Variants in ACYP2 observed in about 807,000 individuals in gnomAD.
ACYP2 encodes acylphosphatase-2.
Under a neutral mutation model 11.2 loss-of-function variants are expected in ACYP2, and 12 were observed. The ratio of observed to expected loss-of-function variants is 1.08; its 90% CI spans 0.69 to 1.74. The LOEUF is 1.74. Ranked by LOEUF, ACYP2 falls within the 40% of genes most tolerant of loss-of-function variation. ACYP2 has a pLI of 0.00. For synonymous variants in ACYP2, 43 were observed against 32.2 expected (o/e 1.33, Z -1.13); for missense variants, 134 against 101.9 (o/e 1.31, Z -1.35).
chr2:54,014,387 T>A (rs1278984416), intron 2 of ACYP2, among the ~76,000 whole-genome samples: 1 of 152,078 alleles, frequency 6.6e-6, no homozygotes, highest in African/African-American at 2.4e-5. Flanking sequence ...TGGCACGAAC[T>A]TGGCTCACTG....
intron 6 of ACYP2, among the ~76,000 whole-genome samples, chr2:54,274,810 C>T (rs1438096592): frequency 6.6e-6 from 1 of 152,022 alleles, no homozygotes; most frequent in Admixed American, 6.6e-5. Flanking sequence ...ACAATATTTG[C>T]AAGAAGAGAA....
intron 2 of ACYP2, among the ~76,000 whole-genome samples, chr2:54,023,158 T>C (rs537274228): frequency 6.6e-6 from 1 of 152,328 alleles, no homozygotes; most frequent in African/African-American, 2.4e-5. Flanking sequence ...CAAAGAATTG[T>C]TGTTAATTTC....
At position 54,219,829 on chromosome 2, in the gene ACYP2, A is replaced by ATGTGTG. The variant is rs1160437525; in HGVS notation, c.404+81082_404+81083insGTGTGT. Among the ~76,000 whole-genome samples, 303 of 141,184 alleles carry ATGTGTG rather than the reference A, an allele frequency of 2.1e-3. 1 individual carries two copies. The highest frequency in any genetic ancestry group is 6.0e-3 in the African/African-American group (229 of 38,122). 92.6% of individuals were successfully genotyped at this position (141,184 alleles called of 152,430 possible). ...TGTGTGTTTGTGTATGTGTGTGTGT[A>ATGTGTG]TATATATGTGTATGTGTGTGTATAT... is the stretch of plus-strand genomic sequence containing the variant. On this transcript the variant is annotated intron_variant, in intron 6 of 6. Transcript: ENST00000607452.
At chr2:54,120,562 A>G (rs1680088552) in intron 4 of ACYP2, among the ~76,000 whole-genome samples, 2 of 152,104 alleles carry the variant, frequency 1.3e-5, no homozygotes, top group Non-Finnish European at 2.9e-5. Flanking sequence ...TTATTTGACT[A>G]CTGATGACAC....
chr2:54,286,738 C>T (rs1689094080), intron 6 of ACYP2, among the ~76,000 whole-genome samples: 1 of 152,008 alleles, frequency 6.6e-6, no homozygotes, highest in African/African-American at 2.4e-5. Context: ...TTATACTCCT[C>T]TCTAAATGGA....
chr2:54,060,332 CT>C (rs1020660388), intron 4 of ACYP2, among the ~76,000 whole-genome samples: 31 of 151,764 alleles, frequency 2.0e-4, no homozygotes, highest in African/African-American at 7.0e-4. Flanking sequence ...CTTTTATTGA[CT>C]TTTTTTGTTT....
At chr2:54,093,496 G>A (rs113606408) in intron 4 of ACYP2, among the ~76,000 whole-genome samples, 1,538 of 152,328 alleles carry the variant, frequency 0.01, 34 homozygotes, top group African/African-American at 0.035. Flanking sequence ...TGATAAAGAG[G>A]TAGTGAGTGA....
chr2:54,131,759 C>T (rs1194081736), intron 4 of ACYP2, among the ~76,000 whole-genome samples: 2 of 152,118 alleles, frequency 1.3e-5, no homozygotes, highest in African/African-American at 4.8e-5. Flanking sequence ...AATATAAACT[C>T]TTTTCAAATC....
At position 54,304,925 on chromosome 2, in the gene ACYP2, TGTAC is replaced by T. The variant is rs1237198317; in HGVS notation, c.*126_*129del. 1 of 452,646 alleles carries T rather than the reference TGTAC, an allele frequency of 2.2e-6. No homozygotes were observed. Among genetic ancestry groups the T allele is most frequent in the Admixed American group, 4.0e-5 (1 of 25,188 alleles). The allele number at this position is 452,646 out of a possible 1,614,324, so 28.0% of individuals were successfully genotyped here. ...CTTTCTGTTCTGAAAGCTAAGCGAC[TGTAC>T]GTGCTACTAAAAATGTCTGACACTG... is the stretch of plus-strand genomic sequence containing the variant. On this transcript the variant is annotated 3_prime_UTR_variant, in exon 7 of 7. Transcript: ENST00000607452.
intron 4 of ACYP2, among the ~76,000 whole-genome samples, chr2:54,127,516 G>C (rs1288892764): frequency 6.6e-6 from 1 of 152,058 alleles, no homozygotes; most frequent in East Asian, 1.9e-4. Context: ...TGGATCATGA[G>C]GTCAGGAGAT....
intron 6 of ACYP2, among the ~76,000 whole-genome samples, chr2:54,220,528 T>G (rs1685757489): frequency 6.6e-6 from 1 of 152,326 alleles, no homozygotes; most frequent in East Asian, 1.9e-4. Flanking sequence ...TATGAATTTT[T>G]TAAAATGACA....
intron 2 of ACYP2, among the ~76,000 whole-genome samples, chr2:53,974,251 A>T (rs1393491965): frequency 6.6e-6 from 1 of 152,114 alleles, no homozygotes; most frequent in African/African-American, 2.4e-5. Context: ...AAAAGGAGCC[A>T]GTGGAGAGAG....
At chr2:54,002,927 C>T (rs572499595) in intron 2 of ACYP2, among the ~76,000 whole-genome samples, 9 of 150,716 alleles carry the variant, frequency 6.0e-5, no homozygotes, top group East Asian at 2.0e-4. Flanking sequence ...GGATTACAGG[C>T]GTGAGCCACC....
intron 6 of ACYP2, among the ~76,000 whole-genome samples, chr2:54,220,089 A>G (rs1685741159): frequency 1.3e-5 from 2 of 151,426 alleles, no homozygotes; most frequent in Admixed American, 1.3e-4. Context: ...GGGGTCCAAT[A>G]CCTAAAACAG....
At chr2:54,124,823 C>T (rs535079771) in intron 4 of ACYP2, among the ~76,000 whole-genome samples, 22 of 152,318 alleles carry the variant, frequency 1.4e-4, no homozygotes, top group African/African-American at 5.1e-4. Flanking sequence ...CCACTCTATC[C>T]TCCCTAATAG....
At chr2:54,027,442 C>G (rs1353151307) in intron 2 of ACYP2, among the ~76,000 whole-genome samples, 1 of 152,152 alleles carries the variant, frequency 6.6e-6, no homozygotes, top group African/African-American at 2.4e-5. Flanking sequence ...GAGCCTAATT[C>G]CTCCCAGTTT....
chr2:53,997,244 C>G (rs1201032222), intron 2 of ACYP2, among the ~76,000 whole-genome samples: 1 of 152,260 alleles, frequency 6.6e-6, no homozygotes. Flanking sequence ...ATAGTATTGA[C>G]CCTTCCTCAG....
At chr2:53,972,843 C>T (rs1671238977) in intron 1 of ACYP2, among the ~76,000 whole-genome samples, 1 of 152,206 alleles carries the variant, frequency 6.6e-6, no homozygotes, top group South Asian at 2.1e-4. Flanking sequence ...AGATAAAGAA[C>T]ACAGCAGAAA....
chr2:53,987,053 G>C (rs1255765792), intron 2 of ACYP2, among the ~76,000 whole-genome samples: 1 of 152,210 alleles, frequency 6.6e-6, no homozygotes, highest in East Asian at 1.9e-4. Context: ...GATGAATCTT[G>C]AAAACAGAAT....
Sources: allele counts gnomAD v4.1 joint callset (sites outside exome capture counted in the v4.1 genomes callset), GRCh38; gene constraint gnomAD v4.1.1; transcripts MANE v1.5; gene names NCBI Gene and HGNC (gene_info 2026-07-23, HGNC 2026-07-21).